ELAVL2: variants seen among roughly 807,000 people sequenced by gnomAD.
ELAVL2 encodes ELAV like RNA binding protein 2, also known as ELAV-like protein 2.
ELAVL2 carries 4 observed loss-of-function variants against 34.6 expected under a neutral mutation model. The observed-to-expected ratio is 0.12, with a 90% CI of 0.06 to 0.26. The LOEUF (loss-of-function observed/expected upper bound fraction) is 0.26. Ranked by LOEUF, ELAVL2 falls within the 10% of genes least tolerant of loss-of-function variation. ELAVL2 has a pLI of 1.00. For synonymous variants in ELAVL2, 193 were observed against 154.8 expected, an observed-to-expected ratio of 1.25 and a Z score of -1.83; for missense variants, 432 against 442.8, an observed-to-expected ratio of 0.98 and a Z score of 0.22.
intron 5 of ELAVL2, among the ~76,000 whole-genome samples, chr9:23,693,879 G>C (rs1407778627): frequency 6.6e-6 from 1 of 152,148 alleles, no homozygotes; most frequent in Non-Finnish European, 1.5e-5. Context: ...AGATACCTAA[G>C]GCACACAGGG....
intron 1 of ELAVL2, among the ~76,000 whole-genome samples, chr9:23,822,581 A>C (rs573796022): frequency 1.3e-5 from 2 of 152,310 alleles, no homozygotes; most frequent in East Asian, 3.9e-4. Flanking sequence ...GCCTGTCCTC[A>C]GACCCGGCCC....
the ELAVL2 span, among the ~76,000 whole-genome samples, chr9:23,839,958 T>C: frequency 2.0e-5 from 3 of 152,142 alleles, no homozygotes; most frequent in Non-Finnish European, 2.9e-5. Context: ...GCTTCTAGGT[T>C]GGAAATTACA....
At chr9:23,823,434 C>G (rs142098651) in intron 1 of ELAVL2, among the ~76,000 whole-genome samples, 1 of 152,174 alleles carries the variant, frequency 6.6e-6, no homozygotes, top group Admixed American at 6.5e-5. Context: ...ACCACTTCTT[C>G]CTACAACCGT....
At chr9:23,711,772 T>C (rs568367403) in intron 3 of ELAVL2, among the ~76,000 whole-genome samples, 54 of 152,284 alleles carry the variant, frequency 3.5e-4, no homozygotes, top group African/African-American at 1.1e-3. Flanking sequence ...ACTTAACCCC[T>C]TGAAATAAGA....
chr9:23,846,696 C>T, the ELAVL2 span, among the ~76,000 whole-genome samples: 1 of 151,892 alleles, frequency 6.6e-6, no homozygotes, highest in Non-Finnish European at 1.5e-5. Context: ...GAGAAATAAC[C>T]AGACAAACCA....
At chr9:23,696,482 T>C (rs2035264129) in intron 5 of ELAVL2, among the ~76,000 whole-genome samples, 1 of 152,232 alleles carries the variant, frequency 6.6e-6, no homozygotes, top group African/African-American at 2.4e-5. Context: ...TATTTATTTA[T>C]TTTTGAGACG....
At chr9:23,750,837 C>T (rs1242025739) in intron 2 of ELAVL2, among the ~76,000 whole-genome samples, 2 of 152,098 alleles carry the variant, frequency 1.3e-5, no homozygotes, top group Non-Finnish European at 1.5e-5. Flanking sequence ...CGACAGTACC[C>T]TTGGAGGCAA....
chr9:23,824,645 C>G (rs1415520436), intron 1 of ELAVL2, among the ~76,000 whole-genome samples: 2 of 152,188 alleles, frequency 1.3e-5, no homozygotes. Context: ...ACCCCTTCCG[C>G]CCTCCCCGGC....
intron 2 of ELAVL2, among the ~76,000 whole-genome samples, chr9:23,761,162 T>TA (rs1468481249): frequency 2.0e-5 from 3 of 152,222 alleles, no homozygotes; most frequent in East Asian, 3.9e-4. Flanking sequence ...ATAAGCTTTG[T>TA]AAAGCAATTT....
chr9:23,804,598 A>C (rs2061984617), intron 1 of ELAVL2, among the ~76,000 whole-genome samples: 1 of 152,350 alleles, frequency 6.6e-6, no homozygotes, highest in Admixed American at 6.5e-5. Flanking sequence ...ACAGTAAAGC[A>C]AAAATGTAAA....
chr9:23,737,171 G>A (rs531027489), intron 2 of ELAVL2, among the ~76,000 whole-genome samples: 1 of 152,176 alleles, frequency 6.6e-6, no homozygotes, highest in Non-Finnish European at 1.5e-5. Context: ...CTGACAAGGA[G>A]GACCCTAAGA....
At chr9:23,712,901 A>G in intron 3 of ELAVL2, among the ~76,000 whole-genome samples, 1 of 152,202 alleles carries the variant, frequency 6.6e-6, no homozygotes, top group East Asian at 1.9e-4. Context: ...AGAAAAATAA[A>G]AAGTGTTTTG....
rs557080877 is a variant in ELAVL2, at chr9:23,782,573, AAAAC to A, written c.-15-20328_-15-20325del. Among the ~76,000 whole-genome samples the A allele has an allele frequency of 5.3e-3, 805 of 152,238 alleles. 5 individuals are homozygous for A. The highest frequency in any genetic ancestry group is 5.1e-3 in the Non-Finnish European group (346 of 68,024). On this transcript the variant is annotated intron_variant, in intron 1 of 6. Coordinates refer to ENST00000397312, the MANE Select transcript of ELAVL2 (RefSeq NM_004432.5). ...GGTGACAGAGCAAGACTGTCTCCAA[AAAAC>A]AAACAAACAAACGAAAAGAAACCAA...
intron 2 of ELAVL2, among the ~76,000 whole-genome samples, chr9:23,752,144 G>C (rs2135600132): frequency 6.6e-6 from 1 of 152,244 alleles, no homozygotes; most frequent in African/African-American, 2.4e-5. Flanking sequence ...AACTGAATGG[G>C]TATTAACTGG....
At chr9:23,700,160 G>T (rs2036688982) in intron 5 of ELAVL2, among the ~76,000 whole-genome samples, 1 of 151,950 alleles carries the variant, frequency 6.6e-6, no homozygotes, top group African/African-American at 2.4e-5. Flanking sequence ...TATATTTTTG[G>T]TAATTAACTA....
intron 3 of ELAVL2, among the ~76,000 whole-genome samples, chr9:23,705,825 T>C (rs1206743962): frequency 1.3e-5 from 2 of 152,186 alleles, no homozygotes; most frequent in East Asian, 3.9e-4. Context: ...GGCCACGGAC[T>C]GGTATGGGTC....
At chr9:23,845,672 G>T in the ELAVL2 span, among the ~76,000 whole-genome samples, 1 of 151,124 alleles carries the variant, frequency 6.6e-6, no homozygotes, top group African/African-American at 2.4e-5. Context: ...GATTAATTTC[G>T]ATGGTTTCAC....
chr9:23,752,858 G>C (rs1028131252), intron 2 of ELAVL2, among the ~76,000 whole-genome samples: 1 of 152,128 alleles, frequency 6.6e-6, no homozygotes, highest in African/African-American at 2.4e-5. Context: ...AATACAGAAT[G>C]ATCACCCCTC....
chr9:23,836,214 T>G, the ELAVL2 span, among the ~76,000 whole-genome samples: 1 of 152,182 alleles, frequency 6.6e-6, no homozygotes, highest in South Asian at 2.1e-4. Flanking sequence ...TATGAGAAAT[T>G]AGAGAATATG....
Sources: allele counts gnomAD v4.1 joint callset (sites outside exome capture counted in the v4.1 genomes callset), GRCh38; gene constraint gnomAD v4.1.1; transcripts MANE v1.5; gene names NCBI Gene and HGNC (gene_info 2026-07-23, HGNC 2026-07-21).